The following FMN2 variants were observed in gnomAD, a reference collection of about 807,000 sequenced individuals.
FMN2 encodes formin 2.
In FMN2, 51 loss-of-function variants were observed where a neutral mutation model predicts 142.3. The ratio of observed to expected loss-of-function variants is 0.36; its 90% CI spans 0.29 to 0.45. The LOEUF (loss-of-function observed/expected upper bound fraction) is 0.45, where lower values mean the gene tolerates loss of function less well. FMN2 is among the 20% of genes least tolerant of loss of function. FMN2 has a pLI of 1.00. For synonymous variants in FMN2, 882 were observed against 869.8 expected, an observed-to-expected ratio of 1.01 and a Z score of -0.25; for missense variants, 1,936 against 2,122.8, an observed-to-expected ratio of 0.91 and a Z score of 1.73.
chr1:240,436,171 T>C (rs1262508554), intron 15 of FMN2, among the ~76,000 whole-genome samples: 2 of 152,218 alleles, frequency 1.3e-5, no homozygotes, highest in Non-Finnish European at 2.9e-5. Context: ...CCATAGCCCG[T>C]GGCAGCCAGA....
At chr1:240,247,502 CAAA>C (rs113817304) in intron 6 of FMN2, among the ~76,000 whole-genome samples, 9 of 108,006 alleles carry the variant, frequency 8.3e-5, no homozygotes, top group Non-Finnish European at 8.2e-5. Context: ...AACTCCATTT[CAAA>C]AAAAAAAAAA....
intron 15 of FMN2, among the ~76,000 whole-genome samples, chr1:240,435,774 A>C (rs9727055): frequency 6.6e-6 from 1 of 152,088 alleles, no homozygotes; most frequent in African/African-American, 2.4e-5. Context: ...TTTTGATACC[A>C]TACTACCTCG....
At chr1:240,294,686 T>TG (rs1340260328) in intron 7 of FMN2, 136 bp from the exon 8 acceptor site, 4 of 713,868 alleles carry the variant, frequency 5.6e-6, no homozygotes, top group Non-Finnish European at 9.6e-6. Flanking sequence ...GGCTTTGCAG[T>TG]GGGGGCAAGG....
intron 2 of FMN2, among the ~76,000 whole-genome samples, chr1:240,158,959 GAACC>G (rs899657092): frequency 2.0e-4 from 30 of 151,952 alleles, no homozygotes; most frequent in African/African-American, 7.2e-4. Flanking sequence ...CTTTTATCTG[GAACC>G]AATAAGAAGA....
intron 2 of FMN2, chr1:240,143,515 T>C: frequency 6.3e-7 from 1 of 1,584,336 alleles, no homozygotes; most frequent in Non-Finnish European, 8.7e-7. Context: ...CTCCTTCTCT[T>C]TGGAGTCAAA....
chr1:240,332,349 A>G lies in FMN2; in HGVS notation c.4585-1538A>G, dbSNP rs1281620228. On this transcript the variant is annotated intron_variant, in intron 11 of 17. Transcript: ENST00000319653. ...GGACTTTTCAAGGCCAACCTGGGCA[A>G]TACAGTGAGAGCCCTTCTCAAAAAA... is the stretch of plus-strand genomic sequence containing the variant. Among the ~76,000 whole-genome samples, 3 of 146,126 alleles carry G rather than the reference A, an allele frequency of 2.1e-5. No individual in the cohort carries two copies. The East Asian group carries it at 6.0e-4, about 29-fold the overall frequency.
chr1:240,246,004 C>T (rs1050199639), intron 6 of FMN2, among the ~76,000 whole-genome samples: 5 of 151,862 alleles, frequency 3.3e-5, no homozygotes, highest in Non-Finnish European at 7.4e-5. Flanking sequence ...CATGGTGAAA[C>T]CCTGTCTCTA....
At chr1:240,108,943 G>A (rs1007537099) in intron 1 of FMN2, among the ~76,000 whole-genome samples, 2 of 152,120 alleles carry the variant, frequency 1.3e-5, no homozygotes, top group African/African-American at 4.8e-5. Flanking sequence ...GGCTGAGGCA[G>A]GAGAATCACT....
At chr1:240,255,863 A>G (rs1668435791) in intron 6 of FMN2, among the ~76,000 whole-genome samples, 1 of 152,202 alleles carries the variant, frequency 6.6e-6, no homozygotes, top group Admixed American at 6.5e-5. Context: ...GAGAAATTAT[A>G]GGTTATAATG....
intron 2 of FMN2, chr1:240,143,757 T>A: frequency 6.6e-7 from 1 of 1,520,016 alleles, no homozygotes; most frequent in East Asian, 2.3e-5. Context: ...TCCCTGATGG[T>A]CTGAAGGATA....
Position 240,207,155 on chromosome 1 carries a change from C to G in FMN2, c.2343C>G (p.Phe781Leu). Reference sequence around the variant, plus strand: ...CTGAAAGTGGACCTCAGACAAAGTTCTGTTCAGAGATTTCTTTGATTGTGT... The same window carrying G: ...CTGAAAGTGGACCTCAGACAAAGTTGTGTTCAGAGATTTCTTTGATTGTGT... ...PGAESGPQTK[F>L]CSEISLIVSP... Residue 781 changes from phenylalanine (F) to leucine (L), a missense_variant, in exon 5 of 18, where the codon TTC becomes TTG. Transcript: ENST00000319653. 1.2e-6 allele frequency: 2 copies of G among 1,614,064 alleles called. No homozygotes were observed. Among genetic ancestry groups the G allele is most frequent in the East Asian group, 2.2e-5 (1 of 44,856 alleles).
rs1226173382 is a variant in FMN2 at position 240,207,067 on chromosome 1, G to A, written c.2255G>A (p.Gly752Asp). 1 of 1,614,136 alleles carries A rather than the reference G, an allele frequency of 6.2e-7. No homozygotes were observed. Among genetic ancestry groups the A allele is most frequent in the Non-Finnish European group, 8.5e-7 (1 of 1,180,004 alleles). Residue 752 changes from glycine to aspartate, a missense_variant, in exon 5 of 18, where the codon GGC (glycine) becomes GAC (aspartate). Gly to Asp is a moderately conservative substitution (Grantham distance 94, BLOSUM62 -1). Coordinates refer to ENST00000319653, the MANE Select transcript of FMN2 (RefSeq NM_020066.5). ...KSIQTSPTEE[G>D]GVLTLPPVDG... ...ATACAGACTTCCCCCACGGAAGAGGGCGGGGTGCTGACACTGCCTCCTGTG... is the reference window on the plus strand; with the variant it reads ...ATACAGACTTCCCCCACGGAAGAGGACGGGGTGCTGACACTGCCTCCTGTG...
intron 8 of FMN2, among the ~76,000 whole-genome samples, chr1:240,311,062 C>A (rs1466635441): frequency 6.6e-6 from 1 of 151,900 alleles, no homozygotes; most frequent in African/African-American, 2.4e-5. Context: ...TGTCATTAAA[C>A]AGTTCTAATC....
chr1:240,103,118 G>A (rs905863728), intron 1 of FMN2, among the ~76,000 whole-genome samples: 1 of 151,996 alleles, frequency 6.6e-6, no homozygotes, highest in South Asian at 2.1e-4. Context: ...CGCCTGTCTC[G>A]GCCTCCCAAA....
chr1:240,313,352 G>C (rs775021992), intron 8 of FMN2, among the ~76,000 whole-genome samples: 1 of 152,128 alleles, frequency 6.6e-6, no homozygotes, highest in Non-Finnish European at 1.5e-5. Context: ...CATAACTTAA[G>C]TCACCTAATG....
At chr1:240,379,007 T>C (rs140862361) in intron 14 of FMN2, among the ~76,000 whole-genome samples, 1 of 152,254 alleles carries the variant, frequency 6.6e-6, no homozygotes, top group Non-Finnish European at 1.5e-5. Context: ...AATTTTCTTA[T>C]TAAGTGCTAG....
chr1:240,430,887 A>C, intron 15 of FMN2, among the ~76,000 whole-genome samples: 1 of 151,302 alleles, frequency 6.6e-6, no homozygotes, highest in African/African-American at 2.4e-5. Context: ...TAAGTCCTTC[A>C]CCTATGTTCT....
chr1:240,409,466 C>G (rs763962911), intron 15 of FMN2, among the ~76,000 whole-genome samples: 11 of 152,096 alleles, frequency 7.2e-5, no homozygotes, highest in Non-Finnish European at 1.6e-4. Context: ...TAAAAGCTAC[C>G]TCTATACTTA....
chr1:240,396,282 C>T lies in FMN2; in HGVS notation c.4910+3720C>T, dbSNP rs143513361. Among the ~76,000 whole-genome samples the T allele has an allele frequency of 5.3e-5, 8 of 149,828 alleles. No homozygotes were observed. In the East Asian group the frequency reaches 5.9e-4, roughly 11 times the overall value. On this transcript the variant is annotated intron_variant, in intron 15 of 17. Coordinates refer to ENST00000319653, the MANE Select transcript of FMN2 (RefSeq NM_020066.5). ...TTATTGCAGTGGTCTGGAACCAAAC[C>T]CACAATATCTCCGAGGTTTTCGTGT...
Sources: gnomAD v4.1 joint callset for allele counts (sites outside exome capture counted in the v4.1 genomes callset) on GRCh38, gnomAD v4.1.1 for gene constraint, MANE v1.5 for transcripts, NCBI Gene and HGNC (gene_info 2026-07-23, HGNC 2026-07-21) for gene names.